Variants in TRPM3 observed in about 807,000 individuals in gnomAD.
The protein encoded by TRPM3 is long transient receptor potential channel 3.
Under a neutral mutation model 181.2 loss-of-function variants are expected in TRPM3, and 77 were observed. The ratio of observed to expected loss-of-function variants is 0.42; its 90% CI spans 0.35 to 0.51. The LOEUF (loss-of-function observed/expected upper bound fraction) is 0.51, where lower values mean the gene tolerates loss of function less well. Ranked by LOEUF, TRPM3 falls within the 20% of genes least tolerant of loss-of-function variation. The probability of loss-of-function intolerance (pLI) is 0.01; values close to 1 mark genes in which losing one functional copy is unlikely to be tolerated. For missense variants in TRPM3, 1,759 were observed against 2,196.7 expected, an observed-to-expected ratio of 0.80 and a Z score of 3.98; for synonymous variants, 745 against 796.4, an observed-to-expected ratio of 0.94 and a Z score of 1.09.
chr9:71,216,135 A>C (rs564400322), intron 1 of TRPM3, among the ~76,000 whole-genome samples: 1 of 152,228 alleles, frequency 6.6e-6, no homozygotes, highest in Non-Finnish European at 1.5e-5. Flanking sequence ...CTCTCAACTA[A>C]GGGATCTATA....
At chr9:70,777,930 T>G (rs1030070440) in intron 7 of TRPM3, among the ~76,000 whole-genome samples, 1 of 152,114 alleles carries the variant, frequency 6.6e-6, no homozygotes, top group Non-Finnish European at 1.5e-5. Context: ...TATATACTTA[T>G]GTATACGTAA....
In TRPM3 at chr9:70,815,143, A is replaced by G. The variant is rs535942089; in HGVS notation, c.973+12704T>C. On this transcript the variant is annotated intron_variant, in intron 6 of 25. Coordinates refer to ENST00000677713, the MANE Select transcript of TRPM3 (RefSeq NM_001366145.2). ...AGAAAATATAATATGATTATACTGA[A>G]CATACAGTTGTACTATGTACAACTT... is the stretch of plus-strand genomic sequence containing the variant. 4.6e-5 allele frequency among the ~76,000 whole-genome samples: 7 copies of G among 152,260 alleles called. No individual in the cohort carries two copies. The South Asian group carries it at 1.2e-3, about 27-fold the overall frequency.
intron 1 of TRPM3, among the ~76,000 whole-genome samples, chr9:71,098,978 C>T (rs574933894): frequency 5.9e-5 from 9 of 152,130 alleles, no homozygotes; most frequent in South Asian, 2.1e-4. Context: ...GCTACTCACA[C>T]GAGGAGGAAG....
intron 8 of TRPM3, among the ~76,000 whole-genome samples, chr9:70,748,765 A>C (rs1461399704): frequency 6.6e-6 from 1 of 152,138 alleles, no homozygotes; most frequent in Non-Finnish European, 1.5e-5. Flanking sequence ...GTGAACAATA[A>C]ATCTCTGTTG....
chr9:71,358,536 C>G (rs79700076), intron 1 of TRPM3, among the ~76,000 whole-genome samples: 3,470 of 152,254 alleles, frequency 0.023, 116 homozygotes, highest in African/African-American at 0.076. Context: ...TGCTCAAGCT[C>G]TCTGTTCTCT....
intron 1 of TRPM3, among the ~76,000 whole-genome samples, chr9:71,017,939 A>G (rs1313955737): frequency 6.6e-6 from 1 of 151,876 alleles, no homozygotes; most frequent in Non-Finnish European, 1.5e-5. Flanking sequence ...GCCATGAAAC[A>G]AACCTAAATA....
At chr9:71,122,299 G>T (rs190487291), upstream of TRPM3, among the ~76,000 whole-genome samples, 1 of 152,318 alleles carries the variant, frequency 6.6e-6, no homozygotes, top group Non-Finnish European at 1.5e-5. Flanking sequence ...ATAGTCTTTA[G>T]GACTCCTGTG....
chr9:70,693,629 A>T (rs1313635503), intron 8 of TRPM3, among the ~76,000 whole-genome samples: 1 of 152,182 alleles, frequency 6.6e-6, no homozygotes. Context: ...TCATGAAGGT[A>T]TCATAAAGTG....
intron 1 of TRPM3, among the ~76,000 whole-genome samples, chr9:71,103,744 C>G (rs532287929): frequency 5.6e-4 from 86 of 152,264 alleles, no homozygotes; most frequent in Non-Finnish European, 6.3e-4. Flanking sequence ...GTTTTTATCT[C>G]CAGCATGCAG....
chr9:71,032,733 G>T (rs901810351), intron 1 of TRPM3, among the ~76,000 whole-genome samples: 3 of 152,084 alleles, frequency 2.0e-5, no homozygotes. Flanking sequence ...TTGTCCTTTG[G>T]TATGTTATTT....
At chr9:71,368,834 A>G (rs961801212) in intron 1 of TRPM3, among the ~76,000 whole-genome samples, 11 of 152,246 alleles carry the variant, frequency 7.2e-5, no homozygotes, top group African/African-American at 2.4e-4. Context: ...ACAACTTGTA[A>G]TAAATATTGG....
intron 9 of TRPM3, among the ~76,000 whole-genome samples, chr9:70,657,292 G>GTTTT (rs3073511): frequency 1.4e-5 from 2 of 147,596 alleles, no homozygotes; most frequent in African/African-American, 2.5e-5. Flanking sequence ...TAAATTGTAA[G>GTTTT]TTTTTTTTTT....
chr9:71,372,042 C>T (rs143078541), intron 1 of TRPM3, among the ~76,000 whole-genome samples: 1 of 152,270 alleles, frequency 6.6e-6, no homozygotes, highest in East Asian at 1.9e-4. Flanking sequence ...TGTGTTCCAT[C>T]AATCAGCTCC....
intron 1 of TRPM3, among the ~76,000 whole-genome samples, chr9:71,114,955 T>G (rs895833082): frequency 2.6e-5 from 4 of 152,080 alleles, no homozygotes; most frequent in Non-Finnish European, 5.9e-5. Flanking sequence ...GAAATGATCA[T>G]ACAAACAGAA....
Position 70,537,174 on chromosome 9 carries a change from G to A in TRPM3, c.3939C>T (p.Phe1313=). The A allele has an allele frequency of 6.3e-7, 1 of 1,589,732 alleles. No individual in the cohort carries two copies. The highest frequency in any genetic ancestry group is 8.6e-7 in the Non-Finnish European group (1 of 1,163,128). ...TGAAGGTGTTCCCTTCCTGGCTGTT[G>A]AAGCTGCTCTGACGGACAATGTAGG... is the stretch of plus-strand genomic sequence containing the variant. ...DAAYIVRQSS[F]NSQEGNTFKL... The change falls in exon 26 of 26, where the codon TTC becomes TTT. Residue 1313 remains phenylalanine, a synonymous_variant. Coordinates refer to ENST00000677713, the MANE Select transcript of TRPM3 (RefSeq NM_001366145.2).
At chr9:71,071,785 C>T (rs574890171) in intron 1 of TRPM3, among the ~76,000 whole-genome samples, 31 of 152,224 alleles carry the variant, frequency 2.0e-4, no homozygotes, top group African/African-American at 7.5e-4. Context: ...CACTCCTGAA[C>T]CTGCAATGTA....
chr9:70,998,202 CATAT>C, intron 1 of TRPM3, among the ~76,000 whole-genome samples: 1 of 143,956 alleles, frequency 6.9e-6, no homozygotes, highest in East Asian at 2.0e-4. Flanking sequence ...CACATATATA[CATAT>C]ATATACACAT....
At chr9:71,206,774 G>A (rs985181619) in intron 1 of TRPM3, among the ~76,000 whole-genome samples, 5 of 152,036 alleles carry the variant, frequency 3.3e-5, no homozygotes, top group African/African-American at 1.2e-4. Flanking sequence ...AAGGAGTAAG[G>A]AAGGGGTCCA....
At chr9:70,993,875 A>G (rs1665159538) in intron 1 of TRPM3, among the ~76,000 whole-genome samples, 1 of 151,522 alleles carries the variant, frequency 6.6e-6, no homozygotes, top group Non-Finnish European at 1.5e-5. Context: ...TAGGGTAGCA[A>G]TTCCCTTCTG....
Sources: gnomAD v4.1 joint callset for allele counts (sites outside exome capture counted in the v4.1 genomes callset) on GRCh38, gnomAD v4.1.1 for gene constraint, MANE v1.5 for transcripts, NCBI Gene and HGNC (gene_info 2026-07-23, HGNC 2026-07-21) for gene names.